Variants in IGFBP7 observed in about 807,000 individuals in gnomAD.
The protein encoded by IGFBP7 is insulin-like growth factor-binding protein 7.
IGFBP7 carries 31 observed loss-of-function variants against 29.4 expected under a neutral mutation model. That is an observed-to-expected ratio of 1.05 (90% confidence interval 0.79 to 1.42). The LOEUF (loss-of-function observed/expected upper bound fraction) is 1.42. Ranked by LOEUF, IGFBP7 falls within the 40% of genes most tolerant of loss-of-function variation. The pLI, the probability that IGFBP7 is intolerant of heterozygous loss-of-function variation, is 0.00. For missense variants in IGFBP7, 393 were observed against 395.5 expected, an observed-to-expected ratio of 0.99 and a Z score of 0.05; for synonymous variants, 172 against 174.9, an observed-to-expected ratio of 0.98 and a Z score of 0.13.
chr4:57,044,811 G>GT (rs1374592111), intron 1 of IGFBP7, among the ~76,000 whole-genome samples: 18 of 152,292 alleles, frequency 1.2e-4, no homozygotes, highest in African/African-American at 4.1e-4. Context: ...TAATATATCT[G>GT]TTCCCCCCCA....
chr4:57,047,702 G>C (rs1020983117), intron 1 of IGFBP7, among the ~76,000 whole-genome samples: 1 of 152,152 alleles, frequency 6.6e-6, no homozygotes, highest in Non-Finnish European at 1.5e-5. Context: ...GTCTCCTGCA[G>C]AATCTCCACC....
rs779472343 is a variant in IGFBP7 at position 57,032,486 on chromosome 4, C to A, written c.769G>T (p.Ala257Ser). Residue 257 changes from alanine to serine, a missense_variant, in exon 4 of 5, where the codon GCT (alanine) becomes TCT (serine). Coordinates refer to ENST00000295666, the MANE Select transcript of IGFBP7 (RefSeq NM_001553.3). ...ECHASNSQGQ[A>S]SASAKITVVD... ...ACTGTAATTTTTGCTGATGCTGAAG[C>A]CTGTCCTTGGGAATTGGATGCATGG... 9 of 1,613,978 alleles carry A rather than the reference C, an allele frequency of 5.6e-6. No individual in the cohort carries two copies. Among genetic ancestry groups the A allele is most frequent in the Non-Finnish European group, 7.6e-6 (9 of 1,179,904 alleles).
intron 1 of IGFBP7, chr4:57,073,051 C>T: frequency 1.5e-6 from 2 of 1,372,956 alleles, no homozygotes; most frequent in Non-Finnish European, 2.1e-6. Flanking sequence ...GGCATGCTGC[C>T]AAGCTCTGGA....
chr4:57,085,246 A>G (rs1001590860), intron 1 of IGFBP7, among the ~76,000 whole-genome samples: 28 of 151,904 alleles, frequency 1.8e-4, no homozygotes, highest in Admixed American at 1.8e-3. Context: ...TTTTGGAGTT[A>G]TAATTTTTAG....
In IGFBP7 at chr4:57,032,408, G is replaced by A. The variant is rs368086231; in HGVS notation, c.829+18C>T. On this transcript the variant is annotated intron_variant, in intron 4 of 4. Transcript: ENST00000295666. Reference sequence around the variant, plus strand: ...ATGTACTAGTCATTTTTAAATGGCTGTGAGATTTATTGTGTACCTTTTTTC... The same window carrying A: ...ATGTACTAGTCATTTTTAAATGGCTATGAGATTTATTGTGTACCTTTTTTC... 35 of 1,612,636 alleles carry A rather than the reference G, an allele frequency of 2.2e-5. No homozygotes were observed. The highest frequency in any genetic ancestry group is 2.7e-5 in the Non-Finnish European group (32 of 1,179,220).
intron 1 of IGFBP7, among the ~76,000 whole-genome samples, chr4:57,100,074 T>TTC (rs1553917326): frequency 1.5e-5 from 2 of 134,782 alleles, no homozygotes; most frequent in African/African-American, 2.7e-5. Flanking sequence ...TTTCTTTCTT[T>TTC]TTTTTTTTTT....
intron 1 of IGFBP7, among the ~76,000 whole-genome samples, chr4:57,061,872 A>T (rs1000107071): frequency 6.6e-6 from 1 of 152,138 alleles, no homozygotes; most frequent in African/African-American, 2.4e-5. Flanking sequence ...CTACGTTGCC[A>T]GGCTGGTCTC....
intron 1 of IGFBP7, among the ~76,000 whole-genome samples, chr4:57,057,540 G>A (rs1724703887): frequency 6.6e-6 from 1 of 152,184 alleles, no homozygotes; most frequent in Non-Finnish European, 1.5e-5. Flanking sequence ...CCTCTTCAGA[G>A]CAACCATACA....
At chr4:57,066,823 A>T (rs1441507009) in intron 1 of IGFBP7, among the ~76,000 whole-genome samples, 2 of 152,102 alleles carry the variant, frequency 1.3e-5, no homozygotes, top group East Asian at 3.8e-4. Flanking sequence ...TCGGCCTCCT[A>T]AAGTGCTGGG....
At chr4:57,082,333 G>C (rs1725389490) in intron 1 of IGFBP7, among the ~76,000 whole-genome samples, 1 of 152,114 alleles carries the variant, frequency 6.6e-6, no homozygotes, top group African/African-American at 2.4e-5. Context: ...ACCAGTGTGG[G>C]TCCCAAATCG....
intron 4 of IGFBP7, chr4:57,032,187 A>C (rs910072350): frequency 1.1e-5 from 11 of 1,035,926 alleles, no homozygotes; most frequent in Non-Finnish European, 1.4e-5. Context: ...TTTGATTTTG[A>C]CTCTTACATG....
intron 1 of IGFBP7, among the ~76,000 whole-genome samples, chr4:57,102,678 C>T (rs541375098): frequency 1.7e-4 from 26 of 152,342 alleles, no homozygotes; most frequent in African/African-American, 6.3e-4. Context: ...TTACTTTCCT[C>T]TGAAAGAATC....
intron 1 of IGFBP7, among the ~76,000 whole-genome samples, chr4:57,042,041 G>T (rs1724238456): frequency 1.3e-5 from 2 of 152,218 alleles, no homozygotes; most frequent in African/African-American, 4.8e-5. Flanking sequence ...GGCAAGTGGG[G>T]GGCACCCTCA....
At chr4:57,046,731 G>T (rs116044922) in intron 1 of IGFBP7, among the ~76,000 whole-genome samples, 1 of 151,714 alleles carries the variant, frequency 6.6e-6, no homozygotes, top group African/African-American at 2.4e-5. Context: ...ATGACTGTGC[G>T]CTGCCTCCCT....
intron 1 of IGFBP7, among the ~76,000 whole-genome samples, chr4:57,108,091 T>C (rs554515156): frequency 6.6e-6 from 1 of 152,366 alleles, no homozygotes; most frequent in African/African-American, 2.4e-5. Flanking sequence ...CTTTTCATGA[T>C]GTGACCGACA....
chr4:57,072,229 A>T (rs754017422), intron 1 of IGFBP7, among the ~76,000 whole-genome samples: 2 of 152,110 alleles, frequency 1.3e-5, no homozygotes, highest in Non-Finnish European at 2.9e-5. Flanking sequence ...GCTCCCACTT[A>T]TAAGTGAGAA....
At chr4:57,047,704 A>G (rs1303713903) in intron 1 of IGFBP7, among the ~76,000 whole-genome samples, 1 of 152,180 alleles carries the variant, frequency 6.6e-6, no homozygotes, top group Non-Finnish European at 1.5e-5. Context: ...CTCCTGCAGA[A>G]TCTCCACCTA....
At chr4:57,056,418 T>C (rs1724675750) in intron 1 of IGFBP7, among the ~76,000 whole-genome samples, 1 of 152,072 alleles carries the variant, frequency 6.6e-6, no homozygotes, top group East Asian at 1.9e-4. Context: ...ACTGTGTGTT[T>C]GAGTTCAGCT....
chr4:57,050,275 C>T lies in IGFBP7; in HGVS notation c.476-9342G>A, dbSNP rs182269550. 2.5e-3 allele frequency among the ~76,000 whole-genome samples: 340 copies of T among 136,718 alleles called. 2 individuals carry two copies. The highest frequency in any genetic ancestry group is 4.3e-3 in the Non-Finnish European group (273 of 64,076). The allele number at this position is 136,718 out of a possible 152,430, so 89.7% of individuals were successfully genotyped here. On this transcript the variant is annotated intron_variant, in intron 1 of 4. Coordinates refer to ENST00000295666, the MANE Select transcript of IGFBP7 (RefSeq NM_001553.3). ...TTTTTTTTTTTTTGAGACAGAGTTT[C>T]GCTCTTTCGCTCAGGCAGGAGTGAA...
Sources: gnomAD v4.1 joint callset for allele counts (sites outside exome capture counted in the v4.1 genomes callset) on GRCh38, gnomAD v4.1.1 for gene constraint, MANE v1.5 for transcripts, NCBI Gene and HGNC (gene_info 2026-07-23, HGNC 2026-07-21) for gene names.